KLK5: variants seen among roughly 807,000 people sequenced by gnomAD.
KLK5 encodes kallikrein-5.
Under a neutral mutation model 24.0 loss-of-function variants are expected in KLK5, and 18 were observed. That is an observed-to-expected ratio of 0.75 (90% CI 0.52 to 1.11). The LOEUF is 1.11. Ranked by LOEUF, KLK5 falls within the 50% of genes most tolerant of loss-of-function variation. KLK5 has a pLI of 0.00. For missense variants in KLK5, 374 were observed against 379.2 expected (o/e 0.99, Z 0.11); for synonymous variants, 140 against 154.0 (o/e 0.91, Z 0.67).
At position 50,949,169 on chromosome 19, in the gene KLK5, A is replaced by G. The variant is rs1052277679; in HGVS notation, c.336-54T>C. On this transcript the variant is annotated intron_variant, in intron 3 of 5. Transcript: ENST00000336334. The stretch of plus-strand genomic sequence containing the variant: ...ACCCTGATCTCTATCTCCACGTCCA[A>G]CGCCAATCCCAACCCCACACCCAGC... 7.0e-6 allele frequency: 11 copies of G among 1,568,072 alleles called. No homozygotes were observed. The Admixed American group carries it at 1.0e-4, about 15-fold the overall frequency.
intron 2 of KLK5, 113 bp downstream of exon 2, chr19:50,952,472 C>T: frequency 6.1e-6 from 4 of 654,560 alleles, no homozygotes; most frequent in Non-Finnish European, 9.9e-6. Context: ...TCACATTCAC[C>T]CGGTCCCGGA....
intron 2 of KLK5, 42 bp from the exon 3 acceptor site, chr19:50,950,158 C>T (rs749622008): frequency 2.8e-6 from 4 of 1,430,058 alleles, no homozygotes; most frequent in South Asian, 1.2e-5. Flanking sequence ...AGAGGCGGGG[C>T]TTGGGCTGGG....
At chr19:50,950,944 C>G (rs2090682286) in intron 2 of KLK5, among the ~76,000 whole-genome samples, 1 of 149,936 alleles carries the variant, frequency 6.7e-6, no homozygotes, top group South Asian at 2.1e-4. Context: ...AAGGTACCCA[C>G]AGAATAGGGG....
chr19:50,944,704 A>C (rs897740526), intron 5 of KLK5, among the ~76,000 whole-genome samples: 3 of 152,200 alleles, frequency 2.0e-5, no homozygotes, highest in Non-Finnish European at 4.4e-5. Flanking sequence ...AGCATGTTGA[A>C]CAGCACACTT....
chr19:50,949,775 TGAC>T, intron 3 of KLK5, 77 bp downstream of exon 3: 4 of 362,672 alleles, frequency 1.1e-5, no homozygotes, highest in Non-Finnish European at 1.9e-5. Flanking sequence ...CTCACCTCCA[TGAC>T]ACCCCCACCC....
chr19:50,945,032 CCTTTCTTTCTCCTTCCTTCCTTT>C (rs2090619021), intron 5 of KLK5, among the ~76,000 whole-genome samples: 2 of 141,684 alleles, frequency 1.4e-5, no homozygotes, highest in South Asian at 2.2e-4. Flanking sequence ...TTCCTTCCTT[CCTTTCTTTCTCCTTCCTTCCTTT>C]CTTTCTCCTT....
intron 5 of KLK5, among the ~76,000 whole-genome samples, chr19:50,946,743 T>C (rs2090639018): frequency 6.6e-6 from 1 of 152,008 alleles, no homozygotes; most frequent in African/African-American, 2.4e-5. Flanking sequence ...GTGTTTTTAG[T>C]AGAGACAGGG....
At position 50,947,600 on chromosome 19, in the gene KLK5, C is replaced by T. The variant is rs924129178; in HGVS notation, c.726+1040G>A. Among the ~76,000 whole-genome samples, 2 of 152,284 alleles carry T rather than the reference C, an allele frequency of 1.3e-5. No homozygotes were observed. The highest frequency in any genetic ancestry group is 4.1e-4 in the South Asian group (2 of 4,828). ...ATTTTTTAACTTTGTTCCTCCAGCC[C>T]TTCCAGCAGCTTTGCAATTAATCCC... On this transcript the variant is annotated intron_variant, in intron 5 of 5. Transcript: ENST00000336334. The surrounding 1 kb of genome is among the most constrained non-coding windows in gnomAD (Gnocchi z 8.7).
rs1329697163 is a variant in KLK5 at position 50,947,207 on chromosome 19, G to A, written c.726+1433C>T. Among the ~76,000 whole-genome samples the A allele has an allele frequency of 6.6e-6, 1 of 152,164 alleles. No homozygotes were observed. The highest frequency in any genetic ancestry group is 1.9e-4 in the East Asian group (1 of 5,188). On this transcript the variant is annotated intron_variant, in intron 5 of 5. Transcript: ENST00000336334. This position sits in a 1 kb window ranked among gnomAD's most constrained non-coding sequence, Gnocchi z 8.7. Reference sequence around the variant, plus strand: ...TTAGAACATAGGGAAGCTCTGTGTTGGTGACCAAGAAATACTTGCAGAGCA... The same window carrying A: ...TTAGAACATAGGGAAGCTCTGTGTTAGTGACCAAGAAATACTTGCAGAGCA...
rs1418745759 is a variant in KLK5 at position 50,947,876 on chromosome 19, C to A, written c.726+764G>T. Among the ~76,000 whole-genome samples, 4 of 152,176 alleles carry A rather than the reference C, an allele frequency of 2.6e-5. No homozygotes were observed. The highest frequency in any genetic ancestry group is 4.8e-5 in the African/African-American group (2 of 41,444). On this transcript the variant is annotated intron_variant, in intron 5 of 5. Coordinates refer to ENST00000336334, the MANE Select transcript of KLK5 (RefSeq NM_012427.5). This position sits in a 1 kb window ranked among gnomAD's most constrained non-coding sequence, Gnocchi z 8.7. ...ACAGCCCTGATCTTTCCCTCTAGAT[C>A]CGTGCCATCCAATACAGTAACTGCT...
chr19:50,946,193 T>G (rs2090631931), intron 5 of KLK5, among the ~76,000 whole-genome samples: 1 of 152,254 alleles, frequency 6.6e-6, no homozygotes, highest in Admixed American at 6.5e-5. Flanking sequence ...TTTTTAAATT[T>G]AATATCTCTG....
intron 2 of KLK5, among the ~76,000 whole-genome samples, chr19:50,951,376 G>T (rs1236410099): frequency 2.6e-5 from 4 of 152,036 alleles, no homozygotes; most frequent in Middle Eastern, 3.4e-3. Flanking sequence ...GGGTTCAAGC[G>T]ATTTTTCTGC....
intron 2 of KLK5, 86 bp downstream of exon 2, chr19:50,952,499 C>T: frequency 1.0e-6 from 1 of 973,716 alleles, no homozygotes; most frequent in African/African-American, 1.7e-5. Flanking sequence ...CCCAGGCTCA[C>T]ACAGTTCCCC....
rs774449847 is a variant in KLK5, at chr19:50,950,097, A to T, written c.93T>A (p.Asn31Lys). 1.3e-6 allele frequency: 2 copies of T among 1,566,636 alleles called. No individual in the cohort carries two copies. The highest frequency in any genetic ancestry group is 1.7e-6 in the Non-Finnish European group (2 of 1,151,880). ...LGVTEHVLANNDVSCDHPSNT... is the reference protein window; with the variant it reads ...LGVTEHVLANKDVSCDHPSNT... The stretch of plus-strand genomic sequence containing the variant: ...TAGAGGGGTGGTCACAGGAAACATC[A>T]TTGTTGGCGAGAACATGCTCTGGGA... The change falls in exon 3 of 6, where the codon AAT becomes AAA. Residue 31 changes from asparagine (N) to lysine (K), a missense_variant. Asn to Lys is a moderately conservative substitution (Grantham distance 94, BLOSUM62 0). Transcript: ENST00000336334.
intron 3 of KLK5, 57 bp downstream of exon 3, chr19:50,949,798 C>CAT: frequency 2.6e-6 from 1 of 386,328 alleles, no homozygotes; most frequent in Non-Finnish European, 4.1e-6. Context: ...CCCACTTCCC[C>CAT]ACCCCCACCC....
Position 50,943,528 on chromosome 19 carries a change from T to C in KLK5, c.*103A>G, listed in dbSNP as rs903708378. On this transcript the variant is annotated 3_prime_UTR_variant, in exon 6 of 6. Coordinates refer to ENST00000336334, the MANE Select transcript of KLK5 (RefSeq NM_012427.5). ...GACATGGGGTCAGGGGCTGGAGAGA[T>C]GAACATTCTCAACATCTCTGGGAAG... is the stretch of plus-strand genomic sequence containing the variant. The C allele has an allele frequency of 7.9e-6, 9 of 1,139,598 alleles. No homozygotes were observed. Among genetic ancestry groups the C allele is most frequent in the Non-Finnish European group, 1.2e-5 (9 of 773,728 alleles). 70.6% of individuals were successfully genotyped at this position (1,139,598 alleles called of 1,614,324 possible).
intron 5 of KLK5, among the ~76,000 whole-genome samples, chr19:50,946,532 C>T (rs1469322979): frequency 6.6e-6 from 1 of 151,740 alleles, no homozygotes; most frequent in South Asian, 2.1e-4. Context: ...TTAAATGCCA[C>T]CACTTGAATG....
chr19:50,943,617 A>C lies in KLK5; in HGVS notation c.*14T>G, dbSNP rs767233157. On this transcript the variant is annotated 3_prime_UTR_variant, in exon 6 of 6. Transcript: ENST00000336334. ...AGCAGGTGGGGATGCCGGTGTGCTG[A>C]GTCCTGGGATGACTCAGGAGTTGGC... is the stretch of plus-strand genomic sequence containing the variant. The C allele has an allele frequency of 5.6e-6, 9 of 1,607,456 alleles. No homozygotes were observed. In the African/African-American group the frequency reaches 1.2e-4, roughly 21 times the overall value.
intron 5 of KLK5, among the ~76,000 whole-genome samples, chr19:50,945,024 C>T (rs1466698511): frequency 7.1e-6 from 1 of 141,488 alleles, no homozygotes; most frequent in Non-Finnish European, 1.5e-5. Context: ...CTTTCTCCTT[C>T]CTTCCTTCCT....
Sources: gnomAD v4.1 joint callset for allele counts (sites outside exome capture counted in the v4.1 genomes callset) on GRCh38, gnomAD v4.1.1 for gene constraint, Gnocchi (gnomAD v3.1) non-coding constraint, MANE v1.5 for transcripts, NCBI Gene and HGNC (gene_info 2026-07-23, HGNC 2026-07-21) for gene names.